Variants in GPR75 observed in about 807,000 individuals in gnomAD.
The protein encoded by GPR75 is probable G protein-coupled receptor 75.
A neutral mutation model predicts 26.0 loss-of-function variants in GPR75; 27 were observed. That is an observed-to-expected ratio of 1.04 (90% confidence interval 0.77 to 1.43). The LOEUF is 1.43. GPR75 is among the 40% of genes most tolerant of loss of function. The pLI is 0.00. For missense variants in GPR75, 699 were observed against 662.3 expected (o/e 1.06, Z -0.61); for synonymous variants, 285 against 256.3 (o/e 1.11, Z -1.07).
Position 53,854,774 on chromosome 2 carries a change from T to A in GPR75, c.-18A>T. On this transcript the variant is annotated 5_prime_UTR_variant, in exon 2 of 2. Transcript: ENST00000394705. ...GAGTTCATTTTCGGAGAGAAATGTC[T>A]CCTTCTTCTGCTCCCCAAAAATACT... 1 of 1,597,666 alleles carries A rather than the reference T, an allele frequency of 6.3e-7. No individual in the cohort carries two copies. The highest frequency in any genetic ancestry group is 1.3e-5 in the African/African-American group (1 of 74,488).
intron 1 of GPR75, among the ~76,000 whole-genome samples, chr2:53,855,649 G>C (rs372336476): frequency 7.2e-5 from 11 of 152,132 alleles, no homozygotes; most frequent in African/African-American, 2.7e-4. Flanking sequence ...GACAGGCTAA[G>C]AGAAGTGGGG....
Position 53,853,381 on chromosome 2 carries a change from T to G in GPR75, c.1376A>C (p.Lys459Thr), listed in dbSNP as rs965635797. Residue 459 changes from lysine (K) to threonine (T), a missense_variant, in exon 2 of 2, where the codon AAG (lysine) becomes ACG (threonine). By Grantham distance (78) the Lys-to-Thr change is moderately conservative (BLOSUM62 -1). Transcript: ENST00000394705. ...SHSKESMVSP[K>T]ISAGHQHCGQ... Reference sequence around the variant, plus strand: ...ACAGTGTTGATGTCCAGCAGAGATCTTGGGACTCACCATACTTTCTTTTGA... The same window carrying G: ...ACAGTGTTGATGTCCAGCAGAGATCGTGGGACTCACCATACTTTCTTTTGA... The G allele has an allele frequency of 6.2e-7, 1 of 1,614,144 alleles. No individual in the cohort carries two copies. Among genetic ancestry groups the G allele is most frequent in the Admixed American group, 1.7e-5 (1 of 60,018 alleles).
chr2:53,855,686 G>C (rs888013236), intron 1 of GPR75, among the ~76,000 whole-genome samples: 1 of 152,058 alleles, frequency 6.6e-6, no homozygotes, highest in Non-Finnish European at 1.5e-5. Context: ...GAAGCACTGC[G>C]GCAAAAAACT....
At chr2:53,856,371 G>T (rs527494116) in intron 1 of GPR75, among the ~76,000 whole-genome samples, 9 of 152,160 alleles carry the variant, frequency 5.9e-5, no homozygotes, top group Admixed American at 1.3e-4. Context: ...AACCAAAAAG[G>T]GTTTGCCTTA....
chr2:53,854,091 G>T lies in GPR75; in HGVS notation c.666C>A (p.Tyr222Ter). 1 of 1,614,176 alleles carries T rather than the reference G, an allele frequency of 6.2e-7. No homozygotes were observed. Among genetic ancestry groups the T allele is most frequent in the East Asian group, 2.2e-5 (1 of 44,888 alleles). ...TCCGCAGGGTCTGAGCAATCATGATGTAAGAGACAGAGACCACAGCAACAC... is the reference window on the plus strand; with the variant it reads ...TCCGCAGGGTCTGAGCAATCATGATTTAAGAGACAGAGACCACAGCAACAC... ...TFCVAVVSVS[Y>*]IMIAQTLRKN... Residue 222 changes from tyrosine to a stop codon, truncating the protein, a stop_gained, in exon 2 of 2, where the codon TAC becomes TAA. Coordinates refer to ENST00000394705, the MANE Select transcript of GPR75 (RefSeq NM_006794.4). LOFTEE classifies it high-confidence loss of function.
chr2:53,854,931 C>T, intron 1 of GPR75, 66 bp from the exon 2 acceptor site: 1 of 596,486 alleles, frequency 1.7e-6, no homozygotes, highest in Non-Finnish European at 3.0e-6. Context: ...GGAATTCATA[C>T]AGTGATCTCA....
chr2:53,856,510 G>A (rs1304126002), intron 1 of GPR75, among the ~76,000 whole-genome samples: 1 of 152,184 alleles, frequency 6.6e-6, no homozygotes, highest in African/African-American at 2.4e-5. Flanking sequence ...CAGATCAAGG[G>A]GGTACAGCGG....
chr2:53,853,798 A>G lies in GPR75; in HGVS notation c.959T>C (p.Val320Ala). The change falls in exon 2 of 2, where the codon GTG (valine) becomes GCG (alanine). Residue 320 changes from valine to alanine, a missense_variant. Transcript: ENST00000394705. ...CAGCACAATGATCACACAGGTGACC[A>G]CGGCTTTGGAATCCTTGGCAGTGGA... Reference protein sequence around the residue: ...NLSTAKDSKAVVTCVIIVLSV... With the variant: ...NLSTAKDSKAAVTCVIIVLSV... 6.2e-7 allele frequency: 1 copy of G among 1,614,234 alleles called. No individual in the cohort carries two copies. The highest frequency in any genetic ancestry group is 1.1e-5 in the South Asian group (1 of 91,082).
At chr2:53,858,488 A>C (rs1678292601) in intron 1 of GPR75, among the ~76,000 whole-genome samples, 1 of 151,938 alleles carries the variant, frequency 6.6e-6, no homozygotes, top group South Asian at 2.1e-4. Context: ...AGTAATCATA[A>C]ATCACTCCTA....
At position 53,854,526 on chromosome 2, in the gene GPR75, G is replaced by T; in HGVS notation, c.231C>A (p.Thr77=). Residue 77 remains threonine, a synonymous_variant, in exon 2 of 2, where the codon ACC becomes ACA. Coordinates refer to ENST00000394705, the MANE Select transcript of GPR75 (RefSeq NM_006794.4). ...FFDPAFRKFR[T]NFDFMILNLS... ...GGTTCAGGATCATGAAATCAAAGTT[G>T]GTTCTGAATTTCCTGAAGGCTGGAT... 1 of 1,614,048 alleles carries T rather than the reference G, an allele frequency of 6.2e-7. No individual in the cohort carries two copies. The highest frequency in any genetic ancestry group is 8.5e-7 in the Non-Finnish European group (1 of 1,179,936).
chr2:53,855,156 G>A (rs1438599517), intron 1 of GPR75, among the ~76,000 whole-genome samples: 1 of 150,530 alleles, frequency 6.6e-6, no homozygotes, highest in Non-Finnish European at 1.5e-5. Flanking sequence ...CAAAACACTA[G>A]AATTTTTCAG....
chr2:53,857,778 A>G (rs1227966281), intron 1 of GPR75, among the ~76,000 whole-genome samples: 1 of 152,094 alleles, frequency 6.6e-6, no homozygotes, highest in Non-Finnish European at 1.5e-5. Flanking sequence ...GAGTCTCACT[A>G]TGTTGCCCTC....
intron 1 of GPR75, among the ~76,000 whole-genome samples, chr2:53,857,196 T>C (rs1200039251): frequency 6.6e-6 from 1 of 151,482 alleles, no homozygotes; most frequent in African/African-American, 2.4e-5. Flanking sequence ...CTCGATCTCC[T>C]GACCTCATGA....
chr2:53,858,890 T>C (rs1678302311), intron 1 of GPR75, among the ~76,000 whole-genome samples: 1 of 152,108 alleles, frequency 6.6e-6, no homozygotes, highest in Non-Finnish European at 1.5e-5. Flanking sequence ...GATTTTAAGC[T>C]GGAACACCAG....
chr2:53,854,954 G>T (rs1291023665), intron 1 of GPR75, 89 bp from the exon 2 acceptor site: 1 of 571,718 alleles, frequency 1.7e-6, no homozygotes, highest in East Asian at 2.8e-5. Flanking sequence ...ATTAGTAGTA[G>T]TATTAGTACT....
chr2:53,856,141 CGAT>C (rs1678220435), intron 1 of GPR75, among the ~76,000 whole-genome samples: 1 of 152,174 alleles, frequency 6.6e-6, no homozygotes, highest in Admixed American at 6.5e-5. Flanking sequence ...CTAGGTGCTA[CGAT>C]GAGTAAGGCA....
rs912225958 is a variant in GPR75, at chr2:53,852,998, T to C, written c.*136A>G. 1.9e-5 allele frequency: 12 copies of C among 623,970 alleles called. No individual in the cohort carries two copies. In the African/African-American group the frequency reaches 2.0e-4, roughly 11 times the overall value. 38.7% of individuals were successfully genotyped at this position (623,970 alleles called of 1,614,324 possible). ...AATCAACAGATACTGACACATCAGA[T>C]GAAAGAAAACCATAACTGCCAACTT... On this transcript the variant is annotated 3_prime_UTR_variant, in exon 2 of 2. Transcript: ENST00000394705.
In GPR75 at chr2:53,853,458, T is replaced by TA. The variant is rs771183528; in HGVS notation, c.1298dup (p.Leu433PhefsTer48). ...CAAATTTCTTCTGTGGCTTTGGAGA[T>TA]AACATGTAGGCAGAGTTTGTTTCAT... On this transcript the variant is annotated frameshift_variant, in exon 2 of 2. Coordinates refer to ENST00000394705, the MANE Select transcript of GPR75 (RefSeq NM_006794.4). LOFTEE classifies it high-confidence loss of function. 4 of 1,614,124 alleles carry TA rather than the reference T, an allele frequency of 2.5e-6. No individual in the cohort carries two copies. The South Asian group carries it at 4.4e-5, about 18-fold the overall frequency.
intron 1 of GPR75, 31 bp downstream of exon 1, chr2:53,859,797 T>A: frequency 6.7e-7 from 1 of 1,497,938 alleles, no homozygotes. Flanking sequence ...ATCGTGGGGT[T>A]GTCCTCCTCC....
Sources: allele counts gnomAD v4.1 joint callset (sites outside exome capture counted in the v4.1 genomes callset), GRCh38; gene constraint gnomAD v4.1.1; transcripts MANE v1.5; gene names NCBI Gene and HGNC (gene_info 2026-07-23, HGNC 2026-07-21).